The following JRK variants were observed in gnomAD, a reference collection of about 807,000 sequenced individuals.
JRK encodes Jrk helix-turn-helix protein, also known as jerky protein homolog.
For missense variants in JRK, 720 were observed against 509.2 expected (o/e 1.41, Z -3.98); for synonymous variants, 303 against 218.1 (o/e 1.39, Z -3.43).
At chr8:142,647,108 T>C in the JRK span, among the ~76,000 whole-genome samples, 2 of 152,326 alleles carry the variant, frequency 1.3e-5, no homozygotes, top group East Asian at 1.9e-4. Context: ...AAATCTATCA[T>C]ATGATTGTGT....
rs1374840190 is a variant in JRK, at chr8:142,662,643, T to C, written c.*1709A>G. 17 of 985,188 alleles carry C rather than the reference T, an allele frequency of 1.7e-5. No homozygotes were observed. The highest frequency in any genetic ancestry group is 2.0e-5 in the Non-Finnish European group (17 of 829,858). The allele number at this position is 985,188 out of a possible 1,614,324, so 61.0% of individuals were successfully genotyped here. A position where few individuals can be genotyped will look rare whatever the true frequency, so the allele number is the denominator to read the frequency against. Reference sequence around the variant, plus strand: ...GCAAGAAACACACACTTCCAGGACATAGATAGGGCTCTGTCAGCAATGACT... The same window carrying C: ...GCAAGAAACACACACTTCCAGGACACAGATAGGGCTCTGTCAGCAATGACT... On this transcript the variant is annotated 3_prime_UTR_variant, in exon 2 of 2. Coordinates refer to ENST00000612905, the MANE Select transcript of JRK (RefSeq NM_003724.4).
chr8:142,647,688 T>TG, the JRK span, among the ~76,000 whole-genome samples: 1 of 152,224 alleles, frequency 6.6e-6, no homozygotes, highest in Non-Finnish European at 1.5e-5. Context: ...TTGCCCAGTC[T>TG]GGGGTATGTC....
At chr8:142,646,642 ATAATTTTAAAGCTAGCTTAT>A in the JRK span, among the ~76,000 whole-genome samples, 8 of 152,216 alleles carry the variant, frequency 5.3e-5, no homozygotes, top group Non-Finnish European at 1.2e-4. Context: ...TACTTTACCA[ATAATTTTAAAGCTAGCTTAT>A]TTATTAAAGA....
Position 142,666,071 on chromosome 8 carries a change from C to T in JRK, c.-13G>A, listed in dbSNP as rs1554636057. ...GCTTGGAGGCCATGGGGAGGGGTGGCTGGTCCTAGCACTTGCAGGACACAC... is the reference window on the plus strand; with the variant it reads ...GCTTGGAGGCCATGGGGAGGGGTGGTTGGTCCTAGCACTTGCAGGACACAC... On this transcript the variant is annotated 5_prime_UTR_variant, in exon 2 of 2. Coordinates refer to ENST00000612905, the MANE Select transcript of JRK (RefSeq NM_003724.4). 1.9e-6 allele frequency: 3 copies of T among 1,601,894 alleles called. No individual in the cohort carries two copies. The highest frequency in any genetic ancestry group is 1.1e-5 in the South Asian group (1 of 89,002).
At chr8:142,669,163 AGTGTGTGTGTGTGT>A (rs59300327) in intron 1 of JRK, among the ~76,000 whole-genome samples, 82 of 136,214 alleles carry the variant, frequency 6.0e-4, no homozygotes, top group South Asian at 3.4e-3. Context: ...GCAGGGGCAT[AGTGTGTGTGTGTGT>A]GTGTGTGTGT....
the JRK span, among the ~76,000 whole-genome samples, chr8:142,649,723 G>A: frequency 1.9e-4 from 29 of 152,354 alleles, no homozygotes; most frequent in African/African-American, 6.5e-4. Flanking sequence ...GTATGGAAAC[G>A]ACTGGATGTC....
rs1846887624 is a variant in JRK, at chr8:142,660,704, C to CCG, written c.*3647_*3648insCG. 3.7e-5 allele frequency: 36 copies of CCG among 985,522 alleles called. No homozygotes were observed. The South Asian group carries it at 5.2e-4, about 14-fold the overall frequency. The allele number at this position is 985,522 out of a possible 1,614,324, so 61.0% of individuals were successfully genotyped here. A position where few individuals can be genotyped will look rare whatever the true frequency, so the allele number is the denominator to read the frequency against. ...GGCAGAAGCCACCACACCCGGATCC[C>CCG]CAATAAGCACATTTATGTGGGGCGT... On this transcript the variant is annotated 3_prime_UTR_variant, in exon 2 of 2. Coordinates refer to ENST00000612905, the MANE Select transcript of JRK (RefSeq NM_003724.4).
At position 142,658,902 on chromosome 8, in the gene JRK, C is replaced by A. The variant is rs781963103; in HGVS notation, c.*5450G>T. On this transcript the variant is annotated 3_prime_UTR_variant, in exon 2 of 2. Transcript: ENST00000612905. ...AGGCAGCACTTAGGAATTGCCAACTCCTCTGGTGAGGTCACTACCACATCC... is the reference window on the plus strand; with the variant it reads ...AGGCAGCACTTAGGAATTGCCAACTACTCTGGTGAGGTCACTACCACATCC... 43 of 1,613,638 alleles carry A rather than the reference C, an allele frequency of 2.7e-5. No homozygotes were observed. Among genetic ancestry groups the A allele is most frequent in the Non-Finnish European group, 3.5e-5 (41 of 1,179,764 alleles).
Position 142,662,337 on chromosome 8 carries a change from T to C in JRK, c.*2015A>G, listed in dbSNP as rs1002440883. 6 of 985,512 alleles carry C rather than the reference T, an allele frequency of 6.1e-6. No homozygotes were observed. In the African/African-American group the frequency reaches 1.0e-4, roughly 17 times the overall value. 61.0% of individuals were successfully genotyped at this position (985,512 alleles called of 1,614,324 possible). On this transcript the variant is annotated 3_prime_UTR_variant, in exon 2 of 2. Transcript: ENST00000612905. Reference sequence around the variant, plus strand: ...CCTCCCCAGCTCCACCCACCCAGGATGTCCTACTGTTTCAGAGCCCTCGGG... The same window carrying C: ...CCTCCCCAGCTCCACCCACCCAGGACGTCCTACTGTTTCAGAGCCCTCGGG...
chr8:142,668,653 G>A (rs185927639), intron 1 of JRK, among the ~76,000 whole-genome samples: 1 of 151,652 alleles, frequency 6.6e-6, no homozygotes, highest in African/African-American at 2.4e-5. Flanking sequence ...ACAGCTCCTC[G>A]CGGACACGTC....
At position 142,665,283 on chromosome 8, in the gene JRK, T is replaced by C. The variant is rs879983712; in HGVS notation, c.776A>G (p.Asn259Ser). The change falls in exon 2 of 2, where the codon AAC becomes AGC. Residue 259 changes from asparagine to serine, a missense_variant. Physicochemically the swap from Asn to Ser is conservative, Grantham distance 46. Transcript: ENST00000612905. ...HLPVAYKAQGNAWVDKEIFSD... is the reference protein window; with the variant it reads ...HLPVAYKAQGSAWVDKEIFSD... ...AAAAATCTCCTTGTCCACCCAGGCGTTCCCCTGGGCCTTATAGGCGACGGG... is the reference window on the plus strand; with the variant it reads ...AAAAATCTCCTTGTCCACCCAGGCGCTCCCCTGGGCCTTATAGGCGACGGG... 1.3e-5 allele frequency: 9 copies of C among 717,732 alleles called. No individual in the cohort carries two copies. The highest frequency in any genetic ancestry group is 1.8e-5 in the Non-Finnish European group (7 of 385,100). The allele number at this position is 717,732 out of a possible 1,614,324, so 44.5% of individuals were successfully genotyped here.
chr8:142,665,732 G>A lies in JRK; in HGVS notation c.327C>T (p.Gly109=). 1.3e-6 allele frequency: 1 copy of A among 770,582 alleles called. No individual in the cohort carries two copies. Among genetic ancestry groups the A allele is most frequent in the South Asian group, 1.4e-5 (1 of 72,524 alleles). The allele number at this position is 770,582 out of a possible 1,614,324, so 47.7% of individuals were successfully genotyped here. A position where few individuals can be genotyped will look rare whatever the true frequency, so the allele number is the denominator to read the frequency against. ...GKRSEGVPVS[G]PMLIEKAKDF... ...CCTTGGCCTTCTCGATGAGCATGGG[G>A]CCTGACACGGGGACGCCCTCGGAGC... Residue 109 remains glycine (G), a synonymous_variant, in exon 2 of 2, where the codon GGC becomes GGT. Coordinates refer to ENST00000612905, the MANE Select transcript of JRK (RefSeq NM_003724.4).
At chr8:142,650,206 T>C in the JRK span, among the ~76,000 whole-genome samples, 44 of 152,226 alleles carry the variant, frequency 2.9e-4, no homozygotes, top group Admixed American at 2.9e-3. Context: ...TGTACCCCCA[T>C]TGTATCTAGG....
In JRK at chr8:142,665,163, T is replaced by C. The variant is rs587690059; in HGVS notation, c.896A>G (p.Asp299Gly). ...PEDSKAVLLL[D>G]SSRAHPQEAE... Reference sequence around the variant, plus strand: ...CTCCTGCGGGTGAGCCCGGGAGCTGTCCAGCAAGAGAACGGCTTTGCTGTC... The same window carrying C: ...CTCCTGCGGGTGAGCCCGGGAGCTGCCCAGCAAGAGAACGGCTTTGCTGTC... Residue 299 changes from aspartate to glycine, a missense_variant, in exon 2 of 2, where the codon GAC becomes GGC. By Grantham distance (94) the Asp-to-Gly change is moderately conservative. Coordinates refer to ENST00000612905, the MANE Select transcript of JRK (RefSeq NM_003724.4). 5 of 717,906 alleles carry C rather than the reference T, an allele frequency of 7.0e-6. No homozygotes were observed. In the East Asian group the frequency reaches 1.1e-4, roughly 15 times the overall value. The allele number at this position is 717,906 out of a possible 1,614,324, so 44.5% of individuals were successfully genotyped here. A position where few individuals can be genotyped will look rare whatever the true frequency, so the allele number is the denominator to read the frequency against.
downstream of JRK, among the ~76,000 whole-genome samples, chr8:142,652,700 T>C (rs1010660827): frequency 9.2e-5 from 14 of 152,172 alleles, no homozygotes; most frequent in African/African-American, 3.4e-4. Context: ...TCAGCTTGAC[T>C]TTTCCCTTTA....
At position 142,666,310 on chromosome 8, in the gene JRK, G is replaced by C. The variant is rs1847127241; in HGVS notation, c.-252C>G. ...CTAGGCCTTGGCTCCTGGCAGTGCA[G>C]TCAGCTGCCAATTCTCTCTGTGGAG... On this transcript the variant is annotated 5_prime_UTR_variant, in exon 2 of 2. Transcript: ENST00000612905. The C allele has an allele frequency of 3.2e-5, 19 of 600,700 alleles. 2 individuals are homozygous for C. The South Asian group carries it at 3.4e-4, about 11-fold the overall frequency. 37.2% of individuals were successfully genotyped at this position (600,700 alleles called of 1,614,324 possible).
intron 1 of JRK, among the ~76,000 whole-genome samples, chr8:142,668,702 GTGGCTGAACT>G (rs1414784096): frequency 6.6e-6 from 1 of 151,556 alleles, no homozygotes; most frequent in Non-Finnish European, 1.5e-5. Flanking sequence ...ATGACACAAA[GTGGCTGAACT>G]TGTTTCATAA....
At chr8:142,651,561 G>A in the JRK span, among the ~76,000 whole-genome samples, 1 of 46,774 alleles carries the variant, frequency 2.1e-5, no homozygotes, top group African/African-American at 5.8e-5. Flanking sequence ...TTTTTTTTTG[G>A]TGGGAATTTA....
In JRK at chr8:142,660,865, C is replaced by A. The variant is rs765279659; in HGVS notation, c.*3487G>T. On this transcript the variant is annotated 3_prime_UTR_variant, in exon 2 of 2. Transcript: ENST00000612905. ...CCCTGCCTCAAACCGTGTCCCTCCA[C>A]AAGCACATCCAGCCACTGGGACCCT... 3.0e-6 allele frequency: 3 copies of A among 985,564 alleles called. No individual in the cohort carries two copies. The highest frequency in any genetic ancestry group is 3.6e-6 in the Non-Finnish European group (3 of 830,144). 61.1% of individuals were successfully genotyped at this position (985,564 alleles called of 1,614,324 possible).
Sources: gnomAD v4.1 joint callset for allele counts (sites outside exome capture counted in the v4.1 genomes callset) on GRCh38, gnomAD v4.1.1 for gene constraint, MANE v1.5 for transcripts, NCBI Gene and HGNC (gene_info 2026-07-23, HGNC 2026-07-21) for gene names.